The following RORB variants were observed in gnomAD, a reference collection of about 807,000 sequenced individuals.
The protein encoded by RORB is RAR related orphan receptor B.
In RORB, 6 loss-of-function variants were observed where a neutral mutation model predicts 59.1. The observed-to-expected ratio is 0.10, with a 90% CI of 0.06 to 0.20. The LOEUF is 0.20. RORB is among the 10% of genes least tolerant of loss of function. RORB has a pLI of 1.00. For missense variants in RORB, 320 were observed against 560.5 expected (o/e 0.57, Z 4.33); for synonymous variants, 215 against 204.5 (o/e 1.05, Z -0.44).
chr9:74,562,437 C>A (rs1186793870), intron 1 of RORB, among the ~76,000 whole-genome samples: 1 of 152,116 alleles, frequency 6.6e-6, no homozygotes, highest in East Asian at 1.9e-4. Context: ...CCAAGGATAT[C>A]AAGAAATTTA....
rs147135870 is a variant in RORB, at chr9:74,592,810, ATC to A, written c.8-37453_8-37452del. The stretch of plus-strand genomic sequence containing the variant: ...AAACAAGCAATTATCCTCTCTTTCA[ATC>A]TCTCTCTCTCTCTCTCTCACTCTCA... On this transcript the variant is annotated intron_variant, in intron 1 of 9. Transcript: ENST00000376896. Among the ~76,000 whole-genome samples, 999 of 146,836 alleles carry A rather than the reference ATC, an allele frequency of 6.8e-3. 11 individuals carry two copies. The highest frequency in any genetic ancestry group is 0.021 in the African/African-American group (851 of 40,416).
chr9:74,522,158 A>C (rs557449824), intron 1 of RORB, among the ~76,000 whole-genome samples: 6 of 151,772 alleles, frequency 4.0e-5, no homozygotes, highest in Non-Finnish European at 8.9e-5. Context: ...GAATTTTAGC[A>C]GTAAACTTAG....
At chr9:74,586,372 C>T (rs935823195) in intron 1 of RORB, among the ~76,000 whole-genome samples, 7 of 151,914 alleles carry the variant, frequency 4.6e-5, no homozygotes, top group African/African-American at 1.7e-4. Context: ...GTGGCACATC[C>T]CTGTAGTCCC....
rs764322019 is a variant in RORB, at chr9:74,667,795, T to C, written c.1005T>C (p.Ser335=). The change falls in exon 8 of 10, where the codon TCT becomes TCC. Residue 335 remains serine, a synonymous_variant. Transcript: ENST00000376896. ...GGMQMFKALG[S]DDLVNEAFDF... is the part of the protein sequence containing the mutation. Reference sequence around the variant, plus strand: ...ATTTTTCTTCTTCCTTTATAGGTTCTGATGACCTAGTGAATGAAGCATTTG... The same window carrying C: ...ATTTTTCTTCTTCCTTTATAGGTTCCGATGACCTAGTGAATGAAGCATTTG... 4 of 1,601,714 alleles carry C rather than the reference T, an allele frequency of 2.5e-6. No individual in the cohort carries two copies. The South Asian group carries it at 3.3e-5, about 13-fold the overall frequency.
At chr9:74,630,578 T>C (rs10746964) in intron 2 of RORB, among the ~76,000 whole-genome samples, 144,686 of 152,220 alleles carry the variant, frequency 0.95, 69,207 homozygotes, top group East Asian at 1. Context: ...TCAGCAGCTC[T>C]TTAAAAATGG....
intron 1 of RORB, among the ~76,000 whole-genome samples, chr9:74,621,681 G>T (rs1002355085): frequency 6.6e-6 from 1 of 152,184 alleles, no homozygotes; most frequent in African/African-American, 2.4e-5. Context: ...TCCAAAGTGG[G>T]TGTACCATTT....
chr9:74,519,380 C>T (rs1826052993), intron 1 of RORB, among the ~76,000 whole-genome samples: 1 of 151,990 alleles, frequency 6.6e-6, no homozygotes, highest in South Asian at 2.1e-4. Context: ...CCTTCAAGTA[C>T]ATCTTTCTCC....
At position 74,655,064 on chromosome 9, in the gene RORB, T is replaced by C. The variant is rs537241235; in HGVS notation, c.638-5553T>C. 1.3e-4 allele frequency among the ~76,000 whole-genome samples: 20 copies of C among 152,336 alleles called. No homozygotes were observed. In the East Asian group the frequency reaches 2.9e-3, roughly 22 times the overall value. On this transcript the variant is annotated intron_variant, in intron 4 of 9. Coordinates refer to ENST00000376896, the MANE Select transcript of RORB (RefSeq NM_006914.4). Reference sequence around the variant, plus strand: ...AAGGAATGACTGGACAGACTGAGCATATAAAATTGTTTTTCTCTTTCCTCT... The same window carrying C: ...AAGGAATGACTGGACAGACTGAGCACATAAAATTGTTTTTCTCTTTCCTCT...
At chr9:74,612,203 G>T (rs1823240559) in intron 1 of RORB, among the ~76,000 whole-genome samples, 1 of 152,178 alleles carries the variant, frequency 6.6e-6, no homozygotes, top group Admixed American at 6.5e-5. Flanking sequence ...GGTTAGGTGT[G>T]GGTAATTGGA....
chr9:74,499,814 T>G (rs1432758139), intron 1 of RORB, among the ~76,000 whole-genome samples: 1 of 151,944 alleles, frequency 6.6e-6, no homozygotes, highest in Non-Finnish European at 1.5e-5. Flanking sequence ...CTTCTAACTT[T>G]CCCCCTGTGG....
At position 74,687,216 on chromosome 9, in the gene RORB, T is replaced by C. The variant is rs1824662522; in HGVS notation, c.*1598T>C. On this transcript the variant is annotated 3_prime_UTR_variant, in exon 10 of 10. Transcript: ENST00000376896. ...AAACAAGCTAAGAGAGAAGTTTGTG[T>C]ATAAGACAATGAAAATTATGGTCTC... is the stretch of plus-strand genomic sequence containing the variant. 2.0e-5 allele frequency: 3 copies of C among 152,082 alleles called. No individual in the cohort carries two copies. The highest frequency in any genetic ancestry group is 6.6e-5 in the Admixed American group (1 of 15,252). 9.4% of individuals were successfully genotyped at this position (152,082 alleles called of 1,614,324 possible).
intron 1 of RORB, among the ~76,000 whole-genome samples, chr9:74,625,719 T>C (rs1490795379): frequency 6.6e-6 from 1 of 152,220 alleles, no homozygotes; most frequent in African/African-American, 2.4e-5. Context: ...TAAGGAGTTA[T>C]AAAAATTCTC....
chr9:74,549,590 AAGGAAGGAAGGAAGGAAGAAAGG>A lies in RORB; in HGVS notation c.7+51609_7+51631del. ...GAAGGAAGGAAGGAAGGAAGGAAGGAAGGAAGGAAGGAAGGAAGAAAGGAAGGAAGGAAGGAAGAAAGGAAAGA... is the reference window on the plus strand; with the variant it reads ...GAAGGAAGGAAGGAAGGAAGGAAGGAAAGGAAGGAAGGAAGAAAGGAAAGA... On this transcript the variant is annotated intron_variant, in intron 1 of 9. Transcript: ENST00000376896. Among the ~76,000 whole-genome samples the A allele has an allele frequency of 5.7e-5, 4 of 69,592 alleles. 1 individual carries two copies. The highest frequency in any genetic ancestry group is 9.1e-5 in the Non-Finnish European group (3 of 32,880). The allele number at this position is 69,592 out of a possible 152,430, so 45.7% of individuals were successfully genotyped here.
At chr9:74,620,919 C>T (rs142623674) in intron 1 of RORB, among the ~76,000 whole-genome samples, 36 of 152,280 alleles carry the variant, frequency 2.4e-4, no homozygotes, top group African/African-American at 8.4e-4. Context: ...ATGCTCCTCA[C>T]TATCTCCAGC....
chr9:74,651,992 A>G (rs1824000596), intron 4 of RORB, among the ~76,000 whole-genome samples: 1 of 152,342 alleles, frequency 6.6e-6, no homozygotes, highest in East Asian at 1.9e-4. Flanking sequence ...AAATAAAGAA[A>G]GCACCCTCTT....
chr9:74,642,814 C>A lies in RORB; in HGVS notation c.636C>A (p.Ile212=), dbSNP rs267602266. 20 of 1,581,640 alleles carry A rather than the reference C, an allele frequency of 1.3e-5. No individual in the cohort carries two copies. The highest frequency in any genetic ancestry group is 1.7e-4 in the Middle Eastern group (1 of 5,898). ...CACCAGGGATAACCATGACTGAAAT[C>A]GGTAAGTGGAAGTCTCCTCCCAGTG... ...QLAPGITMTE[I]DRIAQNIIKS... Residue 212 remains isoleucine (I), a splice_region_variant and synonymous_variant, in exon 4 of 10, where the codon ATC becomes ATA. Coordinates refer to ENST00000376896, the MANE Select transcript of RORB (RefSeq NM_006914.4).
chr9:74,510,755 A>G (rs1825926137), intron 1 of RORB, among the ~76,000 whole-genome samples: 2 of 152,192 alleles, frequency 1.3e-5, no homozygotes, highest in South Asian at 4.1e-4. Flanking sequence ...ATTGTACCAG[A>G]TCAAAAATAT....
At chr9:74,640,482 A>T (rs934549407) in intron 3 of RORB, among the ~76,000 whole-genome samples, 14 of 151,806 alleles carry the variant, frequency 9.2e-5, no homozygotes, top group Admixed American at 4.6e-4. Context: ...ACAGGGTTTC[A>T]CCACGTTAGC....
At chr9:74,679,633 T>A (rs1035315208) in intron 9 of RORB, among the ~76,000 whole-genome samples, 2 of 152,120 alleles carry the variant, frequency 1.3e-5, no homozygotes, top group African/African-American at 4.8e-5. Context: ...ACATGGCAGG[T>A]TTCGTTGAGG....
Sources: allele counts gnomAD v4.1 joint callset (sites outside exome capture counted in the v4.1 genomes callset), GRCh38; gene constraint gnomAD v4.1.1; transcripts MANE v1.5; gene names NCBI Gene and HGNC (gene_info 2026-07-23, HGNC 2026-07-21).